Variants in DEPTOR observed in about 807,000 individuals in gnomAD.
DEPTOR encodes DEP domain-containing mTOR-interacting protein.
A neutral mutation model predicts 41.6 loss-of-function variants in DEPTOR; 41 were observed. The ratio of observed to expected loss-of-function variants is 0.98; its 90% CI spans 0.77 to 1.28. The LOEUF is 1.28. DEPTOR is among the 50% of genes most tolerant of loss of function. The pLI, the probability that DEPTOR is intolerant of heterozygous loss-of-function variation, is 0.00. For missense variants in DEPTOR, 514 were observed against 527.9 expected (o/e 0.97, Z 0.26); for synonymous variants, 195 against 192.3 (o/e 1.01, Z -0.12).
chr8:119,981,716 C>G (rs1419055992), intron 4 of DEPTOR, among the ~76,000 whole-genome samples: 1 of 150,706 alleles, frequency 6.6e-6, no homozygotes, highest in Non-Finnish European at 1.5e-5. Context: ...TGGCAATTCT[C>G]TTAAATTCCT....
At chr8:119,939,165 T>C (rs1828168488) in intron 3 of DEPTOR, among the ~76,000 whole-genome samples, 1 of 152,234 alleles carries the variant, frequency 6.6e-6, no homozygotes, top group African/African-American at 2.4e-5. Context: ...AAACAATGTC[T>C]CATAAATTAT....
At chr8:119,941,373 CAAAAAAAAAAAAAA>C (rs749120675) in intron 3 of DEPTOR, among the ~76,000 whole-genome samples, 4 of 39,964 alleles carry the variant, frequency 1.0e-4, no homozygotes, top group East Asian at 8.4e-4. Context: ...ATCTCCATCT[CAAAAAAAAAAAAAA>C]AAAAAAAAAA....
intron 4 of DEPTOR, among the ~76,000 whole-genome samples, chr8:119,974,372 A>G (rs1828671596): frequency 6.6e-6 from 1 of 152,108 alleles, no homozygotes; most frequent in African/African-American, 2.4e-5. Flanking sequence ...GCTGTAACAA[A>G]GGACGGACTA....
chr8:119,957,647 G>T (rs1030083936), intron 3 of DEPTOR, among the ~76,000 whole-genome samples: 10 of 149,436 alleles, frequency 6.7e-5, no homozygotes, highest in Non-Finnish European at 1.5e-4. Context: ...GGAGTGCAAT[G>T]GTGCAATCTT....
At chr8:119,874,119 C>A in intron 1 of DEPTOR, 151 bp downstream of exon 1, 1 of 1,282,662 alleles carries the variant, frequency 7.8e-7, no homozygotes, top group Non-Finnish European at 1.1e-6. Context: ...CTCGGTGCGC[C>A]CGCGCTTAGC....
At chr8:119,903,160 G>A (rs1827617232) in intron 1 of DEPTOR, among the ~76,000 whole-genome samples, 1 of 152,064 alleles carries the variant, frequency 6.6e-6, no homozygotes, top group South Asian at 2.1e-4. Context: ...GTGCAATGGT[G>A]CGATCTCAGC....
At chr8:119,959,689 C>A (rs1828465513) in intron 3 of DEPTOR, among the ~76,000 whole-genome samples, 1 of 151,934 alleles carries the variant, frequency 6.6e-6, no homozygotes, top group Non-Finnish European at 1.5e-5. Flanking sequence ...CACCACCACA[C>A]CCAACCAATT....
chr8:119,911,976 T>C (rs113127665), intron 1 of DEPTOR, among the ~76,000 whole-genome samples: 3 of 152,222 alleles, frequency 2.0e-5, no homozygotes, highest in Non-Finnish European at 2.9e-5. Flanking sequence ...AAGAATGAGA[T>C]AGTTTTTTAC....
chr8:120,022,580 T>C (rs1196991768), intron 8 of DEPTOR, among the ~76,000 whole-genome samples: 1 of 152,188 alleles, frequency 6.6e-6, no homozygotes, highest in Non-Finnish European at 1.5e-5. Flanking sequence ...TACTCTGTTT[T>C]TCCAGGTCAC....
chr8:119,988,209 G>C (rs1181637046), intron 4 of DEPTOR, among the ~76,000 whole-genome samples: 1 of 152,156 alleles, frequency 6.6e-6, no homozygotes, highest in Non-Finnish European at 1.5e-5. Flanking sequence ...TATCTGGGCT[G>C]GAATGCACTG....
intron 3 of DEPTOR, among the ~76,000 whole-genome samples, chr8:119,939,987 G>A (rs1828181059): frequency 6.6e-6 from 1 of 151,904 alleles, no homozygotes; most frequent in African/African-American, 2.4e-5. Flanking sequence ...GGAGGCCGAG[G>A]CAGGCAGATC....
chr8:119,888,858 C>CAAAAA lies in DEPTOR; in HGVS notation c.122+14909_122+14913dup, dbSNP rs34471575. Among the ~76,000 whole-genome samples the CAAAAA allele has an allele frequency of 2.6e-3, 169 of 63,810 alleles. 8 individuals are homozygous for CAAAAA. The highest frequency in any genetic ancestry group is 8.7e-3 in the African/African-American group (131 of 15,132). The allele number at this position is 63,810 out of a possible 152,430, so 41.9% of individuals were successfully genotyped here. ...GTGACAGAGCAAGACTCTGTCTCAG[C>CAAAAA]AAAAAAAAAAAAAAAAAAAAAAAGA... On this transcript the variant is annotated intron_variant, in intron 1 of 8. Coordinates refer to ENST00000286234, the MANE Select transcript of DEPTOR (RefSeq NM_022783.4).
At chr8:119,998,017 A>G (rs984274750) in intron 4 of DEPTOR, among the ~76,000 whole-genome samples, 1 of 152,220 alleles carries the variant, frequency 6.6e-6, no homozygotes, top group African/African-American at 2.4e-5. Flanking sequence ...TTTTCCTAAA[A>G]CACTGGGCAA....
At chr8:119,907,157 A>G (rs1029694442) in intron 1 of DEPTOR, among the ~76,000 whole-genome samples, 2 of 152,166 alleles carry the variant, frequency 1.3e-5, no homozygotes, top group Non-Finnish European at 1.5e-5. Context: ...ACATGGCAAC[A>G]AAACGTAAGA....
chr8:119,892,323 T>TC (rs1827462452), intron 1 of DEPTOR, among the ~76,000 whole-genome samples: 2 of 152,174 alleles, frequency 1.3e-5, no homozygotes, highest in African/African-American at 4.8e-5. Flanking sequence ...ATTATCAAGG[T>TC]GTCAATATTT....
intron 4 of DEPTOR, among the ~76,000 whole-genome samples, chr8:119,967,550 C>A (rs1181442922): frequency 6.6e-6 from 1 of 150,940 alleles, no homozygotes; most frequent in Non-Finnish European, 1.5e-5. Context: ...GTCAGGAGTT[C>A]GAAACCAGCC....
Position 119,933,761 on chromosome 8 carries a change from C to A in DEPTOR, c.425+3823C>A, listed in dbSNP as rs543564511. ...GGGGGTGGGCGTATTGTCAGTATTTCTTTTTGGCTCTTTTCTTGCTTGTTT... is the reference window on the plus strand; with the variant it reads ...GGGGGTGGGCGTATTGTCAGTATTTATTTTTGGCTCTTTTCTTGCTTGTTT... On this transcript the variant is annotated intron_variant, in intron 3 of 8. Transcript: ENST00000286234. 9.9e-5 allele frequency among the ~76,000 whole-genome samples: 15 copies of A among 152,174 alleles called. No homozygotes were observed. In the South Asian group the frequency reaches 3.1e-3, roughly 32 times the overall value.
At chr8:119,946,021 C>T (rs565944288) in intron 3 of DEPTOR, among the ~76,000 whole-genome samples, 168 of 152,206 alleles carry the variant, frequency 1.1e-3, no homozygotes, top group African/African-American at 4.0e-3. Context: ...CTCGGTTGGT[C>T]GGGCGCTTTG....
intron 8 of DEPTOR, among the ~76,000 whole-genome samples, chr8:120,030,324 A>T (rs1263104106): frequency 6.6e-6 from 1 of 151,876 alleles, no homozygotes; most frequent in Admixed American, 6.6e-5. Context: ...GAAATTACTA[A>T]AAAAAGTACC....
Sources: gnomAD v4.1 joint callset for allele counts (sites outside exome capture counted in the v4.1 genomes callset) on GRCh38, gnomAD v4.1.1 for gene constraint, MANE v1.5 for transcripts, NCBI Gene and HGNC (gene_info 2026-07-23, HGNC 2026-07-21) for gene names.